Variants in NPAS3 observed in about 807,000 individuals in gnomAD.
The protein encoded by NPAS3 is neuronal PAS domain-containing protein 3.
A neutral mutation model predicts 73.1 loss-of-function variants in NPAS3; 14 were observed. That is an observed-to-expected ratio of 0.19 (90% CI 0.13 to 0.30). The LOEUF (loss-of-function observed/expected upper bound fraction) is 0.30. Among genes scored for constraint, NPAS3 ranks in the 10% least tolerant of loss-of-function variants. The pLI, the probability that NPAS3 is intolerant of heterozygous loss-of-function variation, is 1.00. For synonymous variants in NPAS3, 620 were observed against 541.5 expected (o/e 1.14, Z -2.01); for missense variants, 1,096 against 1,250.0 (o/e 0.88, Z 1.86).
chr14:33,047,266 G>A (rs985027212), intron 1 of NPAS3, among the ~76,000 whole-genome samples: 2 of 152,090 alleles, frequency 1.3e-5, no homozygotes, highest in African/African-American at 2.4e-5. Context: ...ATTTCTTCAA[G>A]CATATGCAAG....
At chr14:33,448,291 A>G (rs1214730867) in intron 4 of NPAS3, among the ~76,000 whole-genome samples, 1 of 152,212 alleles carries the variant, frequency 6.6e-6, no homozygotes, top group African/African-American at 2.4e-5. Context: ...TTTTAAAAGA[A>G]GAAAATTCAG....
chr14:33,458,972 G>A (rs1253169969), intron 4 of NPAS3, among the ~76,000 whole-genome samples: 1 of 152,210 alleles, frequency 6.6e-6, no homozygotes, highest in African/African-American at 2.4e-5. Context: ...CTACTCCATA[G>A]AGCAGCCCCA....
At chr14:33,792,815 G>A (rs564191437) in intron 9 of NPAS3, among the ~76,000 whole-genome samples, 2 of 152,164 alleles carry the variant, frequency 1.3e-5, no homozygotes, top group African/African-American at 2.4e-5. Context: ...AGCAGACGGA[G>A]GCAAGGACAT....
At chr14:33,600,296 G>T (rs559758535) in intron 5 of NPAS3, among the ~76,000 whole-genome samples, 1 of 152,224 alleles carries the variant, frequency 6.6e-6, no homozygotes, top group South Asian at 2.1e-4. Flanking sequence ...CTCCCCCAAG[G>T]TAATTACTTG....
At chr14:33,135,399 G>A (rs1482909351) in intron 2 of NPAS3, among the ~76,000 whole-genome samples, 3 of 152,016 alleles carry the variant, frequency 2.0e-5, no homozygotes, top group African/African-American at 7.3e-5. Context: ...CATCACTACA[G>A]GTTTAAATTA....
At chr14:33,708,071 A>T (rs1291349603) in intron 6 of NPAS3, among the ~76,000 whole-genome samples, 1 of 151,964 alleles carries the variant, frequency 6.6e-6, no homozygotes, top group Admixed American at 6.6e-5. Flanking sequence ...AAAAAAACAC[A>T]AAAAAGCAGC....
chr14:33,158,807 C>T (rs751145894), intron 2 of NPAS3, among the ~76,000 whole-genome samples: 14 of 152,066 alleles, frequency 9.2e-5, no homozygotes, highest in Non-Finnish European at 1.2e-4. Flanking sequence ...TTATTCATGT[C>T]GGGGATTTGA....
chr14:33,548,725 TA>T (rs1003441414), intron 4 of NPAS3, among the ~76,000 whole-genome samples: 1 of 152,198 alleles, frequency 6.6e-6, no homozygotes, highest in African/African-American at 2.4e-5. Flanking sequence ...AAATGCACAC[TA>T]AGTTATACCT....
intron 3 of NPAS3, among the ~76,000 whole-genome samples, chr14:33,338,415 T>C (rs1453195481): frequency 1.3e-5 from 2 of 152,214 alleles, no homozygotes; most frequent in East Asian, 3.8e-4. Context: ...TCTGTAATGT[T>C]ACTAACTCTT....
intron 7 of NPAS3, among the ~76,000 whole-genome samples, chr14:33,751,243 G>T (rs570639781): frequency 2.6e-5 from 4 of 152,182 alleles, no homozygotes; most frequent in Admixed American, 1.3e-4. Context: ...CTAACAAGAA[G>T]AACTTGAAGG....
At chr14:33,446,416 C>T (rs2049506994) in intron 4 of NPAS3, among the ~76,000 whole-genome samples, 1 of 151,666 alleles carries the variant, frequency 6.6e-6, no homozygotes, top group African/African-American at 2.4e-5. Context: ...ACCTCATGAT[C>T]CACCCGCCTC....
intron 4 of NPAS3, among the ~76,000 whole-genome samples, chr14:33,522,103 G>C (rs148181345): frequency 6.6e-6 from 1 of 152,116 alleles, no homozygotes; most frequent in African/African-American, 2.4e-5. Flanking sequence ...AAACACACAC[G>C]CACATAGTGT....
At chr14:33,101,355 G>GA (rs907570238) in intron 2 of NPAS3, among the ~76,000 whole-genome samples, 1 of 151,994 alleles carries the variant, frequency 6.6e-6, no homozygotes, top group Non-Finnish European at 1.5e-5. Flanking sequence ...TAATTTAGGG[G>GA]AAAAAAGAGT....
Position 33,457,406 on chromosome 14 carries a change from C to T in NPAS3, c.468+90138C>T, listed in dbSNP as rs2050070764. On this transcript the variant is annotated intron_variant, in intron 4 of 11. Transcript: ENST00000356141. ...GATTTTACTGCAAGACCTCAAAGAG[C>T]AAGGTTTGGGTTTTTCACCTTCTAA... Among the ~76,000 whole-genome samples the T allele has an allele frequency of 2.6e-5, 4 of 152,170 alleles. No individual in the cohort carries two copies. The South Asian group carries it at 8.3e-4, about 31-fold the overall frequency.
intron 4 of NPAS3, among the ~76,000 whole-genome samples, chr14:33,471,749 A>C (rs748060387): frequency 7.9e-5 from 12 of 152,232 alleles, no homozygotes; most frequent in Non-Finnish European, 1.5e-4. Flanking sequence ...ATAAGGTTAA[A>C]ACTGGAGTCC....
At chr14:33,079,399 A>T (rs1595394070) in intron 2 of NPAS3, among the ~76,000 whole-genome samples, 1 of 141,618 alleles carries the variant, frequency 7.1e-6, no homozygotes, top group Admixed American at 7.3e-5. Context: ...GCTCACTGCA[A>T]CCTCCGCCTC....
chr14:33,084,298 A>G (rs11624030), intron 2 of NPAS3, among the ~76,000 whole-genome samples: 15,333 of 152,228 alleles, frequency 0.1, 1,270 homozygotes, highest in African/African-American at 0.23. Context: ...CATTTTGTCC[A>G]CTATATATGC....
intron 2 of NPAS3, among the ~76,000 whole-genome samples, chr14:33,069,848 G>T (rs777777376): frequency 6.6e-6 from 1 of 152,152 alleles, no homozygotes; most frequent in African/African-American, 2.4e-5. Context: ...AAGTTACCTG[G>T]TTAATGAATG....
chr14:33,073,367 A>G (rs2041549855), intron 2 of NPAS3, among the ~76,000 whole-genome samples: 1 of 152,208 alleles, frequency 6.6e-6, no homozygotes, highest in African/African-American at 2.4e-5. Flanking sequence ...AGGGGAGCAG[A>G]CATTATGCAG....
Sources: gnomAD v4.1 joint callset for allele counts (sites outside exome capture counted in the v4.1 genomes callset) on GRCh38, gnomAD v4.1.1 for gene constraint, MANE v1.5 for transcripts, NCBI Gene and HGNC (gene_info 2026-07-23, HGNC 2026-07-21) for gene names.